Variants in TRAF2 observed in about 807,000 individuals in gnomAD.
TRAF2 encodes TNF receptor associated factor 2.
A neutral mutation model predicts 55.6 loss-of-function variants in TRAF2; 6 were observed. The observed-to-expected ratio is 0.11, with a 90% CI of 0.06 to 0.21. The LOEUF (loss-of-function observed/expected upper bound fraction) is 0.21. TRAF2 is among the 10% of genes least tolerant of loss of function. The pLI is 1.00. For missense variants in TRAF2, 561 were observed against 684.5 expected (o/e 0.82, Z 2.01); for synonymous variants, 329 against 276.3 (o/e 1.19, Z -1.89).
At chr9:136,906,716 G>A (rs1186763105) in intron 4 of TRAF2, among the ~76,000 whole-genome samples, 2 of 152,198 alleles carry the variant, frequency 1.3e-5, no homozygotes, top group African/African-American at 2.4e-5. Flanking sequence ...GGAGGCAGGT[G>A]GGACCTCCTG....
upstream of TRAF2, among the ~76,000 whole-genome samples, chr9:136,883,689 G>T (rs1849399929): frequency 6.6e-6 from 1 of 151,912 alleles, no homozygotes; most frequent in Non-Finnish European, 1.5e-5. Flanking sequence ...GCTGATTTTT[G>T]TATTTTTAGT....
intron 9 of TRAF2, among the ~76,000 whole-genome samples, chr9:136,921,416 G>A (rs1850381910): frequency 1.3e-5 from 2 of 152,066 alleles, no homozygotes; most frequent in South Asian, 4.1e-4. Context: ...TCGGGCAGGG[G>A]TCGGGGTAGG....
intron 6 of TRAF2, among the ~76,000 whole-genome samples, chr9:136,915,593 T>G (rs1850222290): frequency 6.6e-6 from 1 of 151,782 alleles, no homozygotes; most frequent in Admixed American, 6.6e-5. Flanking sequence ...TTAGGCTCTG[T>G]GCAAACACTC....
chr9:136,916,409 CA>C, intron 6 of TRAF2, 131 bp from the exon 7 acceptor site: 1 of 828,578 alleles, frequency 1.2e-6, no homozygotes, highest in East Asian at 2.5e-5. Context: ...TGTTGGGTTT[CA>C]TTCAGTGTGA....
chr9:136,893,212 G>A (rs768473808), intron 1 of TRAF2, among the ~76,000 whole-genome samples: 4 of 152,164 alleles, frequency 2.6e-5, no homozygotes, highest in South Asian at 2.1e-4. Context: ...CGTCCCCACC[G>A]AGGGACCTTG....
chr9:136,896,025 A>G (rs1237782737), intron 1 of TRAF2, among the ~76,000 whole-genome samples: 1 of 151,862 alleles, frequency 6.6e-6, no homozygotes, highest in South Asian at 2.1e-4. Flanking sequence ...AGCCGACACC[A>G]TGCCCCTGTC....
rs771832578 is a variant in TRAF2 at position 136,908,105 on chromosome 9, C to G, written c.402C>G (p.Thr134=). The G allele has an allele frequency of 8.7e-6, 14 of 1,606,024 alleles. No individual in the cohort carries two copies. Among genetic ancestry groups the G allele is most frequent in the Non-Finnish European group, 1.2e-5 (14 of 1,179,868 alleles). The stretch of plus-strand genomic sequence containing the variant: ...AAGGCCGCTGCCCGCTCATGCTGAC[C>G]GAATGTCCCGCGTGCAAAGGCCTGG... ...CHEGRCPLML[T]ECPACKGLVR... The change falls in exon 5 of 11, where the codon ACC becomes ACG. Residue 134 remains threonine, a synonymous_variant. Coordinates refer to ENST00000247668, the MANE Select transcript of TRAF2 (RefSeq NM_021138.4).
Position 136,913,084 on chromosome 9 carries a change from A to C in TRAF2, c.603+3090A>C, listed in dbSNP as rs572060492. ...CCCGGGAGGCACAGGTTGCAGTCGC[A>C]GTGAGCCAAGATCGCGCCAGTGCGC... On this transcript the variant is annotated intron_variant, in intron 6 of 10. Coordinates refer to ENST00000247668, the MANE Select transcript of TRAF2 (RefSeq NM_021138.4). Among the ~76,000 whole-genome samples, 6 of 152,170 alleles carry C rather than the reference A, an allele frequency of 3.9e-5. No homozygotes were observed. The East Asian group carries it at 9.8e-4, about 25-fold the overall frequency.
intron 6 of TRAF2, among the ~76,000 whole-genome samples, chr9:136,915,168 A>G (rs1354681476): frequency 1.3e-5 from 2 of 152,108 alleles, no homozygotes; most frequent in South Asian, 2.1e-4. Flanking sequence ...AACAAGAGAG[A>G]AACTCCGTCT....
intron 7 of TRAF2, among the ~76,000 whole-genome samples, chr9:136,917,838 C>G (rs1181866922): frequency 6.6e-6 from 1 of 152,134 alleles, no homozygotes; most frequent in Non-Finnish European, 1.5e-5. Context: ...CTCTAGGAAG[C>G]CCAGGCTTCC....
chr9:136,887,204 C>T (rs1275430489), intron 1 of TRAF2, among the ~76,000 whole-genome samples: 1 of 152,054 alleles, frequency 6.6e-6, no homozygotes, highest in East Asian at 1.9e-4. Context: ...TGGACCGGGC[C>T]GGGATCGGGG....
intron 1 of TRAF2, among the ~76,000 whole-genome samples, chr9:136,897,021 C>T (rs1313362861): frequency 6.6e-6 from 1 of 152,188 alleles, no homozygotes; most frequent in South Asian, 2.1e-4. Flanking sequence ...TTGTTCCCTT[C>T]CTCTGTCCTC....
Position 136,926,374 on chromosome 9 carries a change from G to A in TRAF2, c.*473G>A. On this transcript the variant is annotated 3_prime_UTR_variant, in exon 11 of 11. Coordinates refer to ENST00000247668, the MANE Select transcript of TRAF2 (RefSeq NM_021138.4). ...CAGAGCAAGGAAGGCTGAGCAGCTT[G>A]GTTCTCCCCTCTGGCCCCTGGAGAG... is the stretch of plus-strand genomic sequence containing the variant. 1 of 332,338 alleles carries A rather than the reference G, an allele frequency of 3.0e-6. No homozygotes were observed. The highest frequency in any genetic ancestry group is 5.9e-6 in the Non-Finnish European group (1 of 169,074). 20.6% of individuals were successfully genotyped at this position (332,338 alleles called of 1,614,324 possible). A position where few individuals can be genotyped will look rare whatever the true frequency, so the allele number is the denominator to read the frequency against.
Position 136,909,939 on chromosome 9 carries a change from C to A in TRAF2, c.548C>A (p.Pro183His). The change falls in exon 6 of 11, where the codon CCC (proline) becomes CAC (histidine). Residue 183 changes from proline to histidine, a missense_variant. Coordinates refer to ENST00000247668, the MANE Select transcript of TRAF2 (RefSeq NM_021138.4). ...TTGAAGGCGCACCACGAGGTCTGCC[C>A]CAAGTTCCCCTTAACTTGTGACGGC... is the stretch of plus-strand genomic sequence containing the variant. ...ADVKAHHEVC[P>H]KFPLTCDGCG... is the part of the protein sequence containing the mutation. 1 of 1,614,148 alleles carries A rather than the reference C, an allele frequency of 6.2e-7. No individual in the cohort carries two copies. The highest frequency in any genetic ancestry group is 1.1e-5 in the South Asian group (1 of 91,078).
intron 1 of TRAF2, among the ~76,000 whole-genome samples, chr9:136,897,945 C>T (rs1296893405): frequency 1.5e-5 from 2 of 137,244 alleles, no homozygotes; most frequent in African/African-American, 2.8e-5. Context: ...AGGTGTGCTA[C>T]GTTCCCGCTC....
chr9:136,898,868 G>C lies in TRAF2; in HGVS notation c.128G>C (p.Arg43Thr). The C allele has an allele frequency of 6.2e-7, 1 of 1,613,310 alleles. No homozygotes were observed. Among genetic ancestry groups the C allele is most frequent in the East Asian group, 2.2e-5 (1 of 44,874 alleles). Residue 43 changes from arginine to threonine, a missense_variant, in exon 2 of 11, where the codon AGG becomes ACG. By Grantham distance (71) the Arg-to-Thr change is moderately conservative. This residue lies in a region of TRAF2 where 426 missense variants were observed against 476.8 expected (regional missense o/e 0.89). Transcript: ENST00000247668. Reference protein sequence around the residue: ...LCSACRNVLRRPFQAQCGHRY... With the variant: ...LCSACRNVLRTPFQAQCGHRY... ...TCCGCCTGCAGAAACGTCCTCCGCAGGCCCTTCCAGGCGCAGTGTGGCCAC... is the reference window on the plus strand; with the variant it reads ...TCCGCCTGCAGAAACGTCCTCCGCACGCCCTTCCAGGCGCAGTGTGGCCAC...
At chr9:136,912,610 C>CG (rs1265189580) in intron 6 of TRAF2, among the ~76,000 whole-genome samples, 1 of 151,786 alleles carries the variant, frequency 6.6e-6, no homozygotes. Flanking sequence ...GAGGCTGAGG[C>CG]GGGAGGATCA....
At chr9:136,897,481 C>T (rs1849706217) in intron 1 of TRAF2, among the ~76,000 whole-genome samples, 1 of 151,930 alleles carries the variant, frequency 6.6e-6, no homozygotes, top group South Asian at 2.1e-4. Context: ...AGGGAATGCA[C>T]TAGCCAGCCC....
intron 9 of TRAF2, among the ~76,000 whole-genome samples, chr9:136,921,544 G>A (rs1302887235): frequency 1.3e-5 from 2 of 151,640 alleles, no homozygotes; most frequent in East Asian, 1.9e-4. Flanking sequence ...AGGCTCTCCT[G>A]CCTGATCACA....
Sources: allele counts gnomAD v4.1 joint callset (sites outside exome capture counted in the v4.1 genomes callset), GRCh38; gene constraint gnomAD v4.1.1; regional missense constraint gnomAD v4.1.1; transcripts MANE v1.5; gene names NCBI Gene and HGNC (gene_info 2026-07-23, HGNC 2026-07-21).